Variants in ADGRB3 observed in about 807,000 individuals in gnomAD.
ADGRB3 encodes the protein brain-specific angiogenesis inhibitor 3.
ADGRB3 carries 37 observed loss-of-function variants against 193.4 expected under a neutral mutation model. The ratio of observed to expected loss-of-function variants is 0.19; its 90% confidence interval spans 0.15 to 0.25. The LOEUF is 0.25. Ranked by LOEUF, ADGRB3 falls within the 10% of genes least tolerant of loss-of-function variation. ADGRB3 has a pLI of 1.00. For synonymous variants in ADGRB3, 690 were observed against 644.2 expected (o/e 1.07, Z -1.08); for missense variants, 1,637 against 1,852.9 (o/e 0.88, Z 2.14).
chr6:69,319,164 CA>C (rs941385472), intron 20 of ADGRB3, among the ~76,000 whole-genome samples: 15 of 151,206 alleles, frequency 9.9e-5, no homozygotes, highest in African/African-American at 3.6e-4. Context: ...AGCAAAATTT[CA>C]CAAGTTTTCA....
chr6:68,741,809 A>T (rs930172756), intron 3 of ADGRB3, among the ~76,000 whole-genome samples: 1 of 152,210 alleles, frequency 6.6e-6, no homozygotes, highest in Non-Finnish European at 1.5e-5. Flanking sequence ...CAACCTAAAC[A>T]TTTTTGCTTC....
chr6:68,785,178 T>G (rs1766938329), intron 3 of ADGRB3, among the ~76,000 whole-genome samples: 1 of 152,166 alleles, frequency 6.6e-6, no homozygotes, highest in Non-Finnish European at 1.5e-5. Flanking sequence ...TATTGTACTT[T>G]AAGTTTTAGG....
intron 3 of ADGRB3, among the ~76,000 whole-genome samples, chr6:68,669,185 C>T (rs1182381463): frequency 1.3e-5 from 2 of 151,866 alleles, no homozygotes; most frequent in Non-Finnish European, 2.9e-5. Context: ...GAGAATGAGG[C>T]ATCCATCCCC....
intron 17 of ADGRB3, among the ~76,000 whole-genome samples, chr6:69,095,811 G>A (rs982660877): frequency 6.6e-6 from 1 of 151,936 alleles, no homozygotes; most frequent in African/African-American, 2.4e-5. Context: ...ACATGCACGC[G>A]TGCACACACA....
intron 3 of ADGRB3, among the ~76,000 whole-genome samples, chr6:68,891,376 A>G (rs1766072599): frequency 6.6e-6 from 1 of 152,208 alleles, no homozygotes; most frequent in Admixed American, 6.6e-5. Context: ...ATACTGGGAA[A>G]GCAGTATGTA....
chr6:68,868,811 G>C (rs939199849), intron 3 of ADGRB3, among the ~76,000 whole-genome samples: 1 of 151,988 alleles, frequency 6.6e-6, no homozygotes. Flanking sequence ...GTGATGACAA[G>C]CTGCCTTGTA....
intron 3 of ADGRB3, among the ~76,000 whole-genome samples, chr6:68,892,611 G>C (rs1766109241): frequency 6.6e-6 from 1 of 152,132 alleles, no homozygotes; most frequent in African/African-American, 2.4e-5. Flanking sequence ...CAGGGATCAT[G>C]TGTGTCTTAA....
At chr6:68,725,527 A>G (rs2127327232) in intron 3 of ADGRB3, among the ~76,000 whole-genome samples, 1 of 151,798 alleles carries the variant, frequency 6.6e-6, no homozygotes, top group African/African-American at 2.4e-5. Flanking sequence ...GGTATTGATG[A>G]CCAGTTTGAT....
In ADGRB3 at chr6:69,293,792, G is replaced by A. The variant is rs150753228; in HGVS notation, c.2815-31080G>A. ...GTCATCCACTTGGGTAGAGAAGGCCGGGGACCTACCCACCTGGAGCACAGT... is the reference window on the plus strand; with the variant it reads ...GTCATCCACTTGGGTAGAGAAGGCCAGGGACCTACCCACCTGGAGCACAGT... On this transcript the variant is annotated intron_variant, in intron 20 of 31. Coordinates refer to ENST00000370598, the MANE Select transcript of ADGRB3 (RefSeq NM_001704.3). Among the ~76,000 whole-genome samples, 5 of 152,210 alleles carry A rather than the reference G, an allele frequency of 3.3e-5. No homozygotes were observed. The East Asian group carries it at 7.7e-4, about 24-fold the overall frequency.
chr6:68,851,996 AG>A (rs940524606), intron 3 of ADGRB3, among the ~76,000 whole-genome samples: 1 of 151,610 alleles, frequency 6.6e-6, no homozygotes, highest in Non-Finnish European at 1.5e-5. Context: ...ACACAAAAAA[AG>A]TTTTAAATCT....
At position 68,954,683 on chromosome 6, in the gene ADGRB3, C is replaced by CTT. The variant is rs146229021; in HGVS notation, c.1196-1328_1196-1327dup. ...ATGTATTATTTAAATCGTTCAATGG[C>CTT]TTTTTTTTTTTTTTGAGACGGAGTC... is the stretch of plus-strand genomic sequence containing the variant. On this transcript the variant is annotated intron_variant, in intron 6 of 31. Coordinates refer to ENST00000370598, the MANE Select transcript of ADGRB3 (RefSeq NM_001704.3). Among the ~76,000 whole-genome samples the CTT allele has an allele frequency of 9.7e-3, 1,367 of 140,694 alleles. 40 individuals carry two copies. The highest frequency in any genetic ancestry group is 0.033 in the African/African-American group (1,271 of 38,262). The allele number at this position is 140,694 out of a possible 152,430, so 92.3% of individuals were successfully genotyped here. A position where few individuals can be genotyped will look rare whatever the true frequency, so the allele number is the denominator to read the frequency against.
At chr6:69,300,680 T>C (rs1158845695) in intron 20 of ADGRB3, among the ~76,000 whole-genome samples, 3 of 151,386 alleles carry the variant, frequency 2.0e-5, no homozygotes, top group Non-Finnish European at 3.0e-5. Flanking sequence ...TGGCAAACAA[T>C]CTGAAAAAGA....
chr6:68,740,559 A>G (rs1765959442), intron 3 of ADGRB3, among the ~76,000 whole-genome samples: 3 of 152,222 alleles, frequency 2.0e-5, no homozygotes, highest in Admixed American at 1.3e-4. Context: ...ACAACTGTTT[A>G]TTAAAAAAAT....
intron 3 of ADGRB3, among the ~76,000 whole-genome samples, chr6:68,701,045 TGAAA>T (rs898282776): frequency 1.8e-4 from 27 of 152,106 alleles, no homozygotes; most frequent in Non-Finnish European, 3.2e-4. Context: ...ATAGAACACA[TGAAA>T]GACTTAAGTA....
intron 15 of ADGRB3, among the ~76,000 whole-genome samples, chr6:69,062,498 A>T (rs557262556): frequency 6.6e-6 from 1 of 151,878 alleles, no homozygotes; most frequent in South Asian, 2.1e-4. Context: ...ATTTATTGTA[A>T]TGTGTTTTGG....
rs115246586 is a variant in ADGRB3 at position 68,753,589 on chromosome 6, A to G, written c.757+114157A>G. ...CGGTCAGGGGAGTTACTGCATCATT[A>G]TAATATTCTAGGTGTGTTCTTTAAT... is the stretch of plus-strand genomic sequence containing the variant. On this transcript the variant is annotated intron_variant, in intron 3 of 31. Transcript: ENST00000370598. 4.2e-3 allele frequency among the ~76,000 whole-genome samples: 635 copies of G among 152,308 alleles called. 6 individuals are homozygous for G. Among genetic ancestry groups the G allele is most frequent in the African/African-American group, 0.015 (606 of 41,568 alleles).
chr6:69,206,169 A>G (rs537710729), intron 17 of ADGRB3, among the ~76,000 whole-genome samples: 1 of 150,658 alleles, frequency 6.6e-6, no homozygotes, highest in Non-Finnish European at 1.5e-5. Context: ...TTGAGTTCCA[A>G]AATTGAAGAA....
intron 26 of ADGRB3, among the ~76,000 whole-genome samples, chr6:69,349,296 A>C (rs901677349): frequency 6.6e-6 from 1 of 152,212 alleles, no homozygotes; most frequent in Admixed American, 6.5e-5. Flanking sequence ...GACCTCCTCA[A>C]ACTGATATAA....
chr6:68,818,365 T>C (rs1011101333), intron 3 of ADGRB3, among the ~76,000 whole-genome samples: 2 of 152,076 alleles, frequency 1.3e-5, no homozygotes, highest in African/African-American at 2.4e-5. Flanking sequence ...TGAAAGCATT[T>C]AGCACTATGC....
Sources: allele counts gnomAD v4.1 joint callset (sites outside exome capture counted in the v4.1 genomes callset), GRCh38; gene constraint gnomAD v4.1.1; transcripts MANE v1.5; gene names NCBI Gene and HGNC (gene_info 2026-07-23, HGNC 2026-07-21).